Variants in AGMO observed in about 807,000 individuals in gnomAD.
AGMO encodes glyceryl-ether monooxygenase.
A neutral mutation model predicts 60.2 loss-of-function variants in AGMO; 75 were observed. The ratio of observed to expected loss-of-function variants is 1.25; its 90% CI spans 1.03 to 1.51. AGMO has a LOEUF of 1.51. Ranked by LOEUF, AGMO falls within the 40% of genes most tolerant of loss-of-function variation. The pLI is 0.00. For missense variants in AGMO, 763 were observed against 525.5 expected (o/e 1.45, Z -4.42); for synonymous variants, 261 against 177.1 (o/e 1.47, Z -3.76).
At chr7:15,452,065 A>G (rs1422861714) in intron 3 of AGMO, among the ~76,000 whole-genome samples, 1 of 152,198 alleles carries the variant, frequency 6.6e-6, no homozygotes, top group African/African-American at 2.4e-5. Flanking sequence ...AAGGATTCAA[A>G]TATACAAGTA....
intron 4 of AGMO, among the ~76,000 whole-genome samples, chr7:15,422,571 T>C (rs530247256): frequency 4.6e-5 from 7 of 152,192 alleles, no homozygotes; most frequent in African/African-American, 1.4e-4. Flanking sequence ...AAAAAAACCC[T>C]CACATTTCTC....
At chr7:15,332,306 G>A (rs1335289954) in intron 12 of AGMO, among the ~76,000 whole-genome samples, 1 of 152,040 alleles carries the variant, frequency 6.6e-6, no homozygotes, top group Non-Finnish European at 1.5e-5. Context: ...CTCTGTGCCT[G>A]GTTCTGGTAC....
intron 12 of AGMO, chr7:15,306,344 CTTCA>C (rs1780612958): frequency 4.0e-6 from 1 of 252,012 alleles, no homozygotes; most frequent in Admixed American, 5.6e-5. Context: ...TCCAGGGTAA[CTTCA>C]TTCATGGATC....
At chr7:15,195,840 T>C (rs902431001), downstream of AGMO, among the ~76,000 whole-genome samples, 35 of 152,200 alleles carry the variant, frequency 2.3e-4, no homozygotes, top group African/African-American at 8.2e-4. Context: ...ATCATTACCA[T>C]TATTAATAAT....
chr7:15,351,291 C>T (rs764350719), intron 12 of AGMO, among the ~76,000 whole-genome samples: 3 of 152,146 alleles, frequency 2.0e-5, no homozygotes, highest in East Asian at 1.9e-4. Flanking sequence ...AAAATCTCCC[C>T]GGCTCACTTC....
intron 12 of AGMO, among the ~76,000 whole-genome samples, chr7:15,210,033 GATA>G (rs1041546625): frequency 1.3e-5 from 2 of 152,114 alleles, no homozygotes; most frequent in African/African-American, 2.4e-5. Context: ...ATGATATGAT[GATA>G]ATAATAACTT....
intron 2 of AGMO, among the ~76,000 whole-genome samples, chr7:15,545,134 A>C (rs983255051): frequency 2.6e-5 from 4 of 152,134 alleles, no homozygotes; most frequent in African/African-American, 9.7e-5. Flanking sequence ...TTTCATAGGC[A>C]TCATGGATGC....
the AGMO span, among the ~76,000 whole-genome samples, chr7:15,135,241 G>A: frequency 6.6e-6 from 1 of 151,666 alleles, no homozygotes; most frequent in South Asian, 2.1e-4. Flanking sequence ...CTACCAATCT[G>A]ATAGCTAAGA....
the AGMO span, among the ~76,000 whole-genome samples, chr7:15,123,391 T>C: frequency 1.3e-5 from 2 of 152,078 alleles, no homozygotes; most frequent in Non-Finnish European, 2.9e-5. Flanking sequence ...AGAAGTTATT[T>C]TTTCAATGTA....
chr7:15,469,395 C>T (rs2128511794), intron 3 of AGMO, among the ~76,000 whole-genome samples: 1 of 152,110 alleles, frequency 6.6e-6, no homozygotes, highest in East Asian at 1.9e-4. Context: ...AAAAACAAAA[C>T]AGCAACAACT....
intron 12 of AGMO, among the ~76,000 whole-genome samples, chr7:15,349,729 A>G (rs1782166341): frequency 6.6e-6 from 1 of 152,164 alleles, no homozygotes; most frequent in Non-Finnish European, 1.5e-5. Context: ...CAGGAAACTT[A>G]TAATCATGGC....
At chr7:15,483,810 T>G (rs986721009) in intron 3 of AGMO, among the ~76,000 whole-genome samples, 2 of 152,134 alleles carry the variant, frequency 1.3e-5, no homozygotes, top group African/African-American at 4.8e-5. Context: ...TCAGTATTTT[T>G]TTTGAGGGAC....
At chr7:15,211,358 G>T (rs1012487642) in intron 12 of AGMO, among the ~76,000 whole-genome samples, 3 of 151,992 alleles carry the variant, frequency 2.0e-5, no homozygotes, top group African/African-American at 7.2e-5. Flanking sequence ...GAACATGAGA[G>T]ATTTTAGTCA....
chr7:15,365,212 C>T (rs1020489428), intron 12 of AGMO, among the ~76,000 whole-genome samples: 5 of 151,744 alleles, frequency 3.3e-5, no homozygotes, highest in African/African-American at 9.7e-5. Context: ...AATTCTTCCA[C>T]TTCTTGAGAA....
chr7:15,224,930 T>TA (rs1487299086), intron 12 of AGMO, among the ~76,000 whole-genome samples: 1 of 152,020 alleles, frequency 6.6e-6, no homozygotes, highest in African/African-American at 2.4e-5. Context: ...TAACTTGTGA[T>TA]AAAAATACGC....
intron 12 of AGMO, among the ~76,000 whole-genome samples, chr7:15,301,660 T>C (rs781351458): frequency 2.0e-5 from 3 of 152,158 alleles, no homozygotes; most frequent in East Asian, 1.9e-4. Context: ...AGGTCCACGA[T>C]ACTTTTAGAG....
chr7:15,190,012 A>T, the AGMO span, among the ~76,000 whole-genome samples: 46 of 149,556 alleles, frequency 3.1e-4, no homozygotes, highest in East Asian at 8.6e-3. Context: ...ATCCATATGT[A>T]CCAAATGACC....
intron 12 of AGMO, among the ~76,000 whole-genome samples, chr7:15,319,018 GTTGA>G (rs375833431): frequency 6.0e-4 from 91 of 152,138 alleles, no homozygotes; most frequent in African/African-American, 2.1e-3. Flanking sequence ...TTATTCTAAA[GTTGA>G]TTATTGCCAA....
intron 5 of AGMO, among the ~76,000 whole-genome samples, chr7:15,414,944 T>G (rs766008422): frequency 5.9e-5 from 9 of 152,152 alleles, no homozygotes; most frequent in Non-Finnish European, 4.4e-5. Context: ...TACAAAGAAA[T>G]CTGGCATCTT....
Sources: allele counts gnomAD v4.1 joint callset (sites outside exome capture counted in the v4.1 genomes callset), GRCh38; gene constraint gnomAD v4.1.1; transcripts MANE v1.5; gene names NCBI Gene and HGNC (gene_info 2026-07-23, HGNC 2026-07-21).